The following DIAPH2 variants were observed in gnomAD, a reference collection of about 807,000 sequenced individuals.
DIAPH2 encodes protein diaphanous homolog 2.
A neutral mutation model predicts 92.7 loss-of-function variants in DIAPH2; 35 were observed. The ratio of observed to expected loss-of-function variants is 0.38; its 90% CI spans 0.29 to 0.50. The LOEUF is 0.50. Ranked by LOEUF, DIAPH2 falls within the 20% of genes least tolerant of loss-of-function variation. The probability of loss-of-function intolerance (pLI) is 0.94; values close to 1 mark genes in which losing one functional copy is unlikely to be tolerated. For missense variants in DIAPH2, 701 were observed against 819.5 expected, an observed-to-expected ratio of 0.86 and a Z score of 1.77; for synonymous variants, 301 against 280.4, an observed-to-expected ratio of 1.07 and a Z score of -0.73.
At chrX:97,143,021 G>GT (rs2067218503) in intron 22 of DIAPH2, among the ~76,000 whole-genome samples, 1 of 111,369 alleles carries the variant, frequency 9.0e-6, no homozygotes, top group Non-Finnish European at 1.9e-5. Context: ...AGTTTGTATC[G>GT]TTTTGTGGTC....
intron 26 of DIAPH2, among the ~76,000 whole-genome samples, chrX:97,560,495 GTCT>G (rs933527172): frequency 9.1e-6 from 1 of 110,103 alleles, no homozygotes; most frequent in African/African-American, 3.3e-5. Flanking sequence ...TTCCAACTGT[GTCT>G]TCTTTTTTTT....
intron 5 of DIAPH2, among the ~76,000 whole-genome samples, chrX:96,901,566 A>G (rs1202200051): frequency 1.4e-5 from 1 of 73,711 alleles, no homozygotes; most frequent in Non-Finnish European, 2.5e-5. Flanking sequence ...TTTTGAGACA[A>G]GGGCACCCAG....
intron 15 of DIAPH2, among the ~76,000 whole-genome samples, chrX:96,952,812 T>G (rs1344671171): frequency 1.8e-5 from 2 of 110,336 alleles, no homozygotes; most frequent in Non-Finnish European, 3.8e-5. Context: ...ATAATCCAAG[T>G]AGAACATTTA....
At chrX:97,017,311 CTTTG>C (rs971484297) in intron 17 of DIAPH2, among the ~76,000 whole-genome samples, 1 of 110,444 alleles carries the variant, frequency 9.1e-6, no homozygotes, top group African/African-American at 3.3e-5. Flanking sequence ...CTTTTTTCTC[CTTTG>C]TTTGATGGTA....
intron 1 of DIAPH2, among the ~76,000 whole-genome samples, chrX:96,720,181 C>T (rs2063980912): frequency 9.0e-6 from 1 of 111,650 alleles, no homozygotes; most frequent in Admixed American, 9.5e-5. Flanking sequence ...TAGCTTCTTT[C>T]AGTTTCCAAA....
chrX:97,395,609 T>C (rs2069697299), intron 25 of DIAPH2, among the ~76,000 whole-genome samples: 1 of 111,715 alleles, frequency 9.0e-6, no homozygotes, highest in Non-Finnish European at 1.9e-5. Flanking sequence ...GAGCCACTTA[T>C]CACTAGTAAT....
At chrX:96,894,754 T>C (rs961237630) in intron 5 of DIAPH2, among the ~76,000 whole-genome samples, 1 of 111,027 alleles carries the variant, frequency 9.0e-6, no homozygotes, top group Non-Finnish European at 1.9e-5. Context: ...TAATTTTGGT[T>C]TCTGTTACCA....
intron 14 of DIAPH2, among the ~76,000 whole-genome samples, chrX:96,946,900 T>G (rs1351654098): frequency 9.0e-6 from 1 of 111,706 alleles, no homozygotes; most frequent in Non-Finnish European, 1.9e-5. Flanking sequence ...AATGAAAACA[T>G]GTATGGTCTC....
chrX:96,859,536 A>G (rs2065059671), intron 4 of DIAPH2, among the ~76,000 whole-genome samples: 1 of 111,097 alleles, frequency 9.0e-6, no homozygotes, highest in South Asian at 3.7e-4. Context: ...ACATTTTTAA[A>G]AAAGGGAGAT....
At chrX:96,939,601 T>TACAC (rs774399164) in intron 12 of DIAPH2, among the ~76,000 whole-genome samples, 14,562 of 60,867 alleles carry the variant, frequency 0.24, 2,662 homozygotes, top group Non-Finnish European at 0.35. Flanking sequence ...TGTGTGTATA[T>TACAC]ACACACACAC....
At chrX:96,693,905 G>A (rs2063811136) in intron 1 of DIAPH2, among the ~76,000 whole-genome samples, 1 of 111,579 alleles carries the variant, frequency 9.0e-6, no homozygotes, top group Non-Finnish European at 1.9e-5. Context: ...CATGATGGGA[G>A]ACGCCTGTAA....
intron 9 of DIAPH2, among the ~76,000 whole-genome samples, chrX:96,930,022 G>GA (rs1161294342): frequency 2.7e-5 from 3 of 109,942 alleles, no homozygotes; most frequent in Non-Finnish European, 5.7e-5. Flanking sequence ...CAGAAGGTAA[G>GA]AAAAGCAAAA....
At chrX:97,350,793 T>G (rs2069205028) in intron 24 of DIAPH2, among the ~76,000 whole-genome samples, 1 of 112,257 alleles carries the variant, frequency 8.9e-6, no homozygotes, top group Non-Finnish European at 1.9e-5. Context: ...GTCATATATA[T>G]TACATACATA....
chrX:96,915,722 A>G (rs745585715), intron 7 of DIAPH2, among the ~76,000 whole-genome samples: 1 of 112,077 alleles, frequency 8.9e-6, no homozygotes, highest in African/African-American at 3.2e-5. Flanking sequence ...ATGTAATGAA[A>G]ACTCAAGTTT....
chrX:97,427,909 A>C (rs1346402852), intron 25 of DIAPH2, among the ~76,000 whole-genome samples: 1 of 107,732 alleles, frequency 9.3e-6, no homozygotes, highest in African/African-American at 3.4e-5. Flanking sequence ...CTGGTCTTGA[A>C]CTCCTGACCT....
chrX:97,094,048 C>T (rs914036234), intron 19 of DIAPH2, among the ~76,000 whole-genome samples: 1 of 111,536 alleles, frequency 9.0e-6, no homozygotes, highest in African/African-American at 3.3e-5. Context: ...GATGCCAGTT[C>T]TGTTGGCAGA....
intron 23 of DIAPH2, among the ~76,000 whole-genome samples, chrX:97,344,660 C>T (rs981308869): frequency 5.4e-5 from 6 of 111,754 alleles, no homozygotes; most frequent in African/African-American, 1.9e-4. Context: ...TTGTTATTTT[C>T]AAGATAAACC....
At chrX:97,413,128 C>T (rs2069897450) in intron 25 of DIAPH2, among the ~76,000 whole-genome samples, 1 of 111,552 alleles carries the variant, frequency 9.0e-6, no homozygotes, top group Admixed American at 9.6e-5. Flanking sequence ...ACCAATATCC[C>T]TGATGAACAT....
intron 25 of DIAPH2, among the ~76,000 whole-genome samples, chrX:97,406,723 T>A (rs2069813842): frequency 9.0e-6 from 1 of 111,714 alleles, no homozygotes; most frequent in Admixed American, 9.6e-5. Context: ...GGACTGCAAT[T>A]TCCCCCTGTT....
Sources: gnomAD v4.1 joint callset for allele counts (sites outside exome capture counted in the v4.1 genomes callset) on GRCh38, gnomAD v4.1.1 for gene constraint, MANE v1.5 for transcripts, NCBI Gene and HGNC (gene_info 2026-07-23, HGNC 2026-07-21) for gene names.